ODAD4: variants seen among roughly 807,000 people sequenced by gnomAD.
ODAD4 encodes the protein outer dynein arm-docking complex subunit 4.
Under a neutral mutation model 51.8 loss-of-function variants are expected in ODAD4, and 49 were observed. That is an observed-to-expected ratio of 0.95 (90% CI 0.75 to 1.20). The LOEUF is 1.20. ODAD4 is among the 50% of genes most tolerant of loss of function. ODAD4 has a pLI of 0.00. For synonymous variants in ODAD4, 235 were observed against 221.3 expected, an observed-to-expected ratio of 1.06 and a Z score of -0.55; for missense variants, 590 against 586.5, an observed-to-expected ratio of 1.01 and a Z score of -0.06.
intron 4 of ODAD4, 61 bp from the exon 5 acceptor site, chr17:41,936,701 C>CA: frequency 6.3e-7 from 1 of 1,595,356 alleles, no homozygotes; most frequent in Non-Finnish European, 8.6e-7. Flanking sequence ...ACCCTAGGGC[C>CA]ATGGCTGGGT....
intron 10 of ODAD4, among the ~76,000 whole-genome samples, chr17:41,956,453 T>C (rs1461501249): frequency 2.0e-5 from 3 of 148,986 alleles, no homozygotes; most frequent in Non-Finnish European, 4.4e-5. Flanking sequence ...TCCAAAGTGA[T>C]GGTATTACTG....
intron 3 of ODAD4, among the ~76,000 whole-genome samples, chr17:41,936,078 C>G (rs141835548): frequency 1.3e-5 from 2 of 152,314 alleles, no homozygotes; most frequent in African/African-American, 4.8e-5. Context: ...CTGAGCCCAG[C>G]CTTCTATAGT....
At chr17:41,958,200 T>A (rs1348463122) in intron 10 of ODAD4, among the ~76,000 whole-genome samples, 1 of 152,138 alleles carries the variant, frequency 6.6e-6, no homozygotes, top group Non-Finnish European at 1.5e-5. Context: ...AGCTTAGATG[T>A]CCCCTCTTTG....
Position 41,965,206 on chromosome 17 carries a change from T to C in ODAD4, c.1742T>C (p.Val581Ala). Residue 581 changes from valine (V) to alanine (A), a missense_variant, in exon 12 of 12, where the codon GTT becomes GCT. Physicochemically the swap from Val to Ala is moderately conservative, Grantham distance 64 (BLOSUM62 0). Coordinates refer to ENST00000377540, the MANE Select transcript of ODAD4 (RefSeq NM_031421.5). ...AAAGCCAGAAGCGATTTGGGAGCAG[T>C]TGCCAAGGGCCTGTCAGGAGAATTA... ...AGKARSDLGA[V>A]AKGLSGELGT... is the part of the protein sequence containing the mutation. 2 of 774,492 alleles carry C rather than the reference T, an allele frequency of 2.6e-6. No individual in the cohort carries two copies. The highest frequency in any genetic ancestry group is 4.8e-6 in the Non-Finnish European group (2 of 415,062). The allele number at this position is 774,492 out of a possible 1,614,324, so 48.0% of individuals were successfully genotyped here.
At position 41,939,214 on chromosome 17, in the gene ODAD4, A is replaced by T. The variant is rs1362532991; in HGVS notation, c.1058+42A>T. The T allele has an allele frequency of 4.5e-6, 7 of 1,568,378 alleles. No homozygotes were observed. The African/African-American group carries it at 8.1e-5, about 18-fold the overall frequency. On this transcript the variant is annotated intron_variant, in intron 7 of 11. Transcript: ENST00000377540. ...AGGCCACTGGCGTGAGCCTACGGAG[A>T]AGGACACCTGGGGCTATCTGAGGCC...
At chr17:41,938,442 A>C in intron 5 of ODAD4, 115 bp from the exon 6 acceptor site, 1 of 827,604 alleles carries the variant, frequency 1.2e-6, no homozygotes, top group Non-Finnish European at 1.9e-6. Context: ...TGTTTCAACA[A>C]CTCCAAGCAG....
At chr17:41,936,412 TATGTGATAAGTC>T in intron 3 of ODAD4, 49 bp from the exon 4 acceptor site, 1 of 1,234,676 alleles carries the variant, frequency 8.1e-7, no homozygotes, top group Non-Finnish European at 1.2e-6. Flanking sequence ...TACATAAAAA[TATGTGATAAGTC>T]ATGCCTGGGG....
chr17:41,959,373 C>T (rs9303324), intron 10 of ODAD4, among the ~76,000 whole-genome samples: 133,648 of 152,230 alleles, frequency 0.88, 59,118 homozygotes, highest in East Asian at 1. Flanking sequence ...GTGAAGTAAA[C>T]GGGGCCCCTG....
At chr17:41,960,646 T>G (rs1304839860) in intron 10 of ODAD4, among the ~76,000 whole-genome samples, 4 of 152,128 alleles carry the variant, frequency 2.6e-5, no homozygotes, top group African/African-American at 9.7e-5. Context: ...AGAAGGTACC[T>G]GTGACCCTCA....
intron 11 of ODAD4, among the ~76,000 whole-genome samples, chr17:41,962,453 C>T (rs1359653677): frequency 1.3e-5 from 2 of 152,160 alleles, no homozygotes; most frequent in African/African-American, 2.4e-5. Flanking sequence ...CAGAAGATGG[C>T]TGAGCAGCCC....
At chr17:41,963,397 ATC>A (rs549836992) in intron 11 of ODAD4, among the ~76,000 whole-genome samples, 44 of 152,318 alleles carry the variant, frequency 2.9e-4, no homozygotes, top group African/African-American at 1.1e-3. Context: ...TAGGAAACCT[ATC>A]TTTTTCCTTA....
intron 8 of ODAD4, among the ~76,000 whole-genome samples, chr17:41,946,593 G>T (rs2050590551): frequency 6.6e-6 from 1 of 152,218 alleles, no homozygotes. Flanking sequence ...CCAAAGTGCT[G>T]GGATTACAGG....
At chr17:41,945,063 C>A in intron 7 of ODAD4, 73 bp from the exon 8 acceptor site, 1 of 1,261,186 alleles carries the variant, frequency 7.9e-7, no homozygotes, top group Non-Finnish European at 1.1e-6. Flanking sequence ...CTGTCTTTGC[C>A]TTCTTTCCTA....
chr17:41,944,444 A>AC (rs10578034), intron 7 of ODAD4, among the ~76,000 whole-genome samples: 441 of 19,528 alleles, frequency 0.023, 11 homozygotes, highest in East Asian at 0.046. Flanking sequence ...ACACACACAC[A>AC]CCCCCCCGCA....
chr17:41,944,542 C>T (rs959685811), intron 7 of ODAD4, among the ~76,000 whole-genome samples: 8 of 151,772 alleles, frequency 5.3e-5, no homozygotes, highest in African/African-American at 1.2e-4. Context: ...GTAATCCCAG[C>T]ACTTTGGGAG....
At position 41,936,822 on chromosome 17, in the gene ODAD4, G is replaced by A. The variant is rs782259846; in HGVS notation, c.520G>A (p.Glu174Lys). ...MKHLLHPTKG[E>K]PKWKASLKSE... is the part of the protein sequence containing the mutation. ...ACACCTCTTACACCCCACCAAGGGAGAGCCCAAGTGGAAGGCCTCGCTCAA... is the reference window on the plus strand; with the variant it reads ...ACACCTCTTACACCCCACCAAGGGAAAGCCCAAGTGGAAGGCCTCGCTCAA... Residue 174 changes from glutamate (E) to lysine (K), a missense_variant, in exon 5 of 12, where the codon GAG becomes AAG. Glu to Lys is a moderately conservative substitution (Grantham distance 56). Coordinates refer to ENST00000377540, the MANE Select transcript of ODAD4 (RefSeq NM_031421.5). 6.2e-7 allele frequency: 1 copy of A among 1,613,992 alleles called. No individual in the cohort carries two copies. The highest frequency in any genetic ancestry group is 1.3e-5 in the African/African-American group (1 of 75,046).
intron 1 of ODAD4, among the ~76,000 whole-genome samples, chr17:41,931,909 T>TTTTTTG (rs2050347024): frequency 6.7e-6 from 1 of 149,126 alleles, no homozygotes; most frequent in Non-Finnish European, 1.5e-5. Context: ...GGTGATGGTT[T>TTTTTTG]TTGTTGTTGT....
intron 9 of ODAD4, among the ~76,000 whole-genome samples, 155 bp downstream of exon 9, chr17:41,949,504 C>T (rs1280346117): frequency 3.3e-5 from 5 of 152,134 alleles, no homozygotes; most frequent in Non-Finnish European, 7.4e-5. Context: ...TTGACCAGCA[C>T]GTGGTAAGTG....
At chr17:41,931,013 C>T (rs561252348) in intron 1 of ODAD4, among the ~76,000 whole-genome samples, 176 bp downstream of exon 1, 2 of 151,650 alleles carry the variant, frequency 1.3e-5, no homozygotes, top group South Asian at 2.1e-4. Context: ...CCTGCCTCCA[C>T]CTCCCAAGTA....
Sources: gnomAD v4.1 joint callset for allele counts (sites outside exome capture counted in the v4.1 genomes callset) on GRCh38, gnomAD v4.1.1 for gene constraint, MANE v1.5 for transcripts, NCBI Gene and HGNC (gene_info 2026-07-23, HGNC 2026-07-21) for gene names.